Variants in SF3A3 observed in about 807,000 individuals in gnomAD.
The protein encoded by SF3A3 is splicing factor 3a subunit 3, also known as SAP 61.
In SF3A3, 9 loss-of-function variants were observed where a neutral mutation model predicts 85.8. That is an observed-to-expected ratio of 0.10 (90% CI 0.06 to 0.18). The LOEUF (loss-of-function observed/expected upper bound fraction) is 0.18. Among genes scored for constraint, SF3A3 ranks in the 10% least tolerant of loss-of-function variants. SF3A3 has a pLI of 1.00. For missense variants in SF3A3, 306 were observed against 593.3 expected (o/e 0.52, Z 5.03); for synonymous variants, 195 against 204.4 (o/e 0.95, Z 0.39).
chr1:37,959,184 T>A (rs932637036), intron 16 of SF3A3, among the ~76,000 whole-genome samples: 17 of 150,954 alleles, frequency 1.1e-4, no homozygotes, highest in African/African-American at 3.9e-4. Flanking sequence ...GCTCAAGCAA[T>A]CCTCCTGCTT....
chr1:37,985,877 C>T (rs1021492514), intron 4 of SF3A3, among the ~76,000 whole-genome samples: 33 of 151,852 alleles, frequency 2.2e-4, no homozygotes, highest in African/African-American at 6.1e-4. Context: ...TTTCCCTGTG[C>T]TCCTTCAAAT....
chr1:37,963,043 G>A (rs976646149), intron 15 of SF3A3, among the ~76,000 whole-genome samples: 24 of 150,464 alleles, frequency 1.6e-4, no homozygotes, highest in East Asian at 2.0e-4. Flanking sequence ...AGTGGAGATC[G>A]CGCCACTGCA....
intron 15 of SF3A3, among the ~76,000 whole-genome samples, 191 bp downstream of exon 15, chr1:37,967,853 C>T (rs1646313831): frequency 6.6e-6 from 1 of 151,862 alleles, no homozygotes; most frequent in Non-Finnish European, 1.5e-5. Flanking sequence ...AGCGAGACTC[C>T]ATCCATCTCA....
chr1:37,968,550 T>C (rs186981481), intron 14 of SF3A3, among the ~76,000 whole-genome samples: 2 of 152,120 alleles, frequency 1.3e-5, no homozygotes, highest in Non-Finnish European at 2.9e-5. Flanking sequence ...GAGAAGACTT[T>C]TATTAGGCAC....
Position 37,988,544 on chromosome 1 carries a change from C to A in SF3A3, c.145-708G>T, listed in dbSNP as rs1208821631. 2.0e-5 allele frequency among the ~76,000 whole-genome samples: 3 copies of A among 152,174 alleles called. No homozygotes were observed. The East Asian group carries it at 5.8e-4, about 29-fold the overall frequency. On this transcript the variant is annotated intron_variant, in intron 2 of 16. Transcript: ENST00000373019. ...GTGAGATCAGGTCAGATTTTGACAC[C>A]AAATAATCACCCAAGGGGAAAAAAA...
chr1:37,965,777 C>G (rs912762470), intron 15 of SF3A3, among the ~76,000 whole-genome samples: 5 of 132,586 alleles, frequency 3.8e-5, no homozygotes, highest in African/African-American at 3.0e-5. Context: ...AACAGCTGAA[C>G]AGCCTGCTAA....
intron 15 of SF3A3, chr1:37,960,408 A>G (rs1646248880): frequency 2.1e-6 from 1 of 487,088 alleles, no homozygotes. Context: ...AATATAACCA[A>G]AGACCTCCGA....
intron 16 of SF3A3, among the ~76,000 whole-genome samples, chr1:37,958,908 T>C (rs1264399083): frequency 6.6e-6 from 1 of 152,094 alleles, no homozygotes; most frequent in Admixed American, 6.6e-5. Flanking sequence ...GGGATGACCA[T>C]CATAAGACCA....
At chr1:37,970,989 C>G (rs1187382931) in intron 12 of SF3A3, among the ~76,000 whole-genome samples, 1 of 151,686 alleles carries the variant, frequency 6.6e-6, no homozygotes, top group African/African-American at 2.4e-5. Flanking sequence ...TAGCAGAAGG[C>G]AAGAAATAAT....
intron 4 of SF3A3, among the ~76,000 whole-genome samples, chr1:37,985,955 T>TTC (rs1553166284): frequency 6.7e-6 from 1 of 148,774 alleles, no homozygotes; most frequent in African/African-American, 2.5e-5. Context: ...CAGACTTTTT[T>TTC]TTTTTTTTTT....
rs898974029 is a variant in SF3A3, at chr1:37,957,558, C to T, written c.*628G>A. 1 of 149,176 alleles carries T rather than the reference C, an allele frequency of 6.7e-6. No individual in the cohort carries two copies. Among genetic ancestry groups the T allele is most frequent in the Non-Finnish European group, 1.5e-5 (1 of 67,736 alleles). 9.2% of individuals were successfully genotyped at this position (149,176 alleles called of 1,614,324 possible). A position where few individuals can be genotyped will look rare whatever the true frequency, so the allele number is the denominator to read the frequency against. ...ACAGGGTCTCACTATGTTACCTAGG[C>T]TAGTCTCAAGCAACCCTCCTGCCTC... On this transcript the variant is annotated 3_prime_UTR_variant, in exon 17 of 17. Transcript: ENST00000373019.
chr1:37,989,960 C>T lies in SF3A3; in HGVS notation c.6G>A (p.Glu2=), dbSNP rs1646484490. The T allele has an allele frequency of 1.2e-6, 2 of 1,610,384 alleles. No individual in the cohort carries two copies. The highest frequency in any genetic ancestry group is 1.1e-5 in the South Asian group (1 of 91,058). The change falls in exon 1 of 17, where the codon GAG becomes GAA. Residue 2 remains glutamate, a synonymous_variant. Transcript: ENST00000373019. Reference sequence around the variant, plus strand: ...AGCGCCGCTGCTGCTCCAGTATTGTCTCCATCTTCCCTTAGTCGCGGCTTC... The same window carrying T: ...AGCGCCGCTGCTGCTCCAGTATTGTTTCCATCTTCCCTTAGTCGCGGCTTC... M[E]TILEQQRRYH...
At chr1:37,976,853 C>A in intron 12 of SF3A3, 31 bp downstream of exon 12, 1 of 1,367,910 alleles carries the variant, frequency 7.3e-7, no homozygotes, top group South Asian at 1.2e-5. Flanking sequence ...TGCTTTATAC[C>A]ATTTTCCACT....
chr1:37,960,328 C>A, intron 15 of SF3A3, 153 bp from the exon 16 acceptor site: 1 of 651,174 alleles, frequency 1.5e-6, no homozygotes. Flanking sequence ...TGGTTCTGGA[C>A]CACCTATAGA....
chr1:37,982,878 T>C (rs962538605), intron 6 of SF3A3, among the ~76,000 whole-genome samples: 10 of 152,004 alleles, frequency 6.6e-5, no homozygotes, highest in African/African-American at 2.4e-4. Context: ...GAGGATTGAT[T>C]GAGTCCAGGA....
At chr1:37,974,989 T>C (rs984618706) in intron 12 of SF3A3, among the ~76,000 whole-genome samples, 18 of 152,218 alleles carry the variant, frequency 1.2e-4, no homozygotes, top group Admixed American at 5.9e-4. Flanking sequence ...CACATTATAT[T>C]GTAATTATTT....
intron 15 of SF3A3, among the ~76,000 whole-genome samples, chr1:37,966,674 C>T (rs993226221): frequency 5.3e-5 from 8 of 151,968 alleles, no homozygotes; most frequent in African/African-American, 7.2e-5. Context: ...CGGTGGATCA[C>T]GCCTGTAATC....
Position 37,984,698 on chromosome 1 carries a change from C to T in SF3A3, c.376+9G>A. The T allele has an allele frequency of 6.2e-7, 1 of 1,602,476 alleles. No homozygotes were observed. Among genetic ancestry groups the T allele is most frequent in the Non-Finnish European group, 8.6e-7 (1 of 1,169,348 alleles). On this transcript the variant is annotated intron_variant, in intron 5 of 16. Coordinates refer to ENST00000373019, the MANE Select transcript of SF3A3 (RefSeq NM_006802.4). ...GCTGGTGCTGAATGAAATTTTCACC[C>T]CTACTTACTTTGTGCCTCTTCACTT...
rs1183835567 is a variant in SF3A3 at position 37,957,906 on chromosome 1, G to C, written c.*280C>G. 1 of 382,414 alleles carries C rather than the reference G, an allele frequency of 2.6e-6. No individual in the cohort carries two copies. Among genetic ancestry groups the C allele is most frequent in the Non-Finnish European group, 4.7e-6 (1 of 211,524 alleles). 23.7% of individuals were successfully genotyped at this position (382,414 alleles called of 1,614,324 possible). A position where few individuals can be genotyped will look rare whatever the true frequency, so the allele number is the denominator to read the frequency against. The stretch of plus-strand genomic sequence containing the variant: ...TACTAGTAAAGTTGGTGAGGAAGAG[G>C]TATGGAGGCGTTAAGACCTGAAGCA... On this transcript the variant is annotated 3_prime_UTR_variant, in exon 17 of 17. Coordinates refer to ENST00000373019, the MANE Select transcript of SF3A3 (RefSeq NM_006802.4).
Sources: allele counts gnomAD v4.1 joint callset (sites outside exome capture counted in the v4.1 genomes callset), GRCh38; gene constraint gnomAD v4.1.1; transcripts MANE v1.5; gene names NCBI Gene and HGNC (gene_info 2026-07-23, HGNC 2026-07-21).